Variants in PPP2R5E observed in about 807,000 individuals in gnomAD.
PPP2R5E encodes protein phosphatase 2 regulatory subunit B'epsilon, also known as serine/threonine-protein phosphatase 2A 56 kDa regulatory subunit epsilon isoform.
Under a neutral mutation model 65.3 loss-of-function variants are expected in PPP2R5E, and 4 were observed. The observed-to-expected ratio is 0.06, with a 90% CI of 0.03 to 0.14. The LOEUF is 0.14. Among genes scored for constraint, PPP2R5E ranks in the 10% least tolerant of loss-of-function variants. The pLI is 1.00. For synonymous variants in PPP2R5E, 183 were observed against 187.4 expected (o/e 0.98, Z 0.19); for missense variants, 274 against 556.1 (o/e 0.49, Z 5.10).
intron 2 of PPP2R5E, among the ~76,000 whole-genome samples, chr14:63,522,908 T>C (rs1276295855): frequency 1.0e-5 from 1 of 99,596 alleles, no homozygotes. Flanking sequence ...GGGAGGGAGG[T>C]CGGGGGGTCA....
chr14:63,401,240 T>A (rs1172268715), intron 5 of PPP2R5E, among the ~76,000 whole-genome samples: 1 of 152,186 alleles, frequency 6.6e-6, no homozygotes, highest in Non-Finnish European at 1.5e-5. Flanking sequence ...GGGGGTAGGA[T>A]GAACTCTGAT....
chr14:63,483,733 T>C (rs1277789792), intron 2 of PPP2R5E, among the ~76,000 whole-genome samples: 4 of 151,336 alleles, frequency 2.6e-5, no homozygotes, highest in South Asian at 2.1e-4. Context: ...ATTCCCACAA[T>C]AGGAAGAAAG....
intron 2 of PPP2R5E, among the ~76,000 whole-genome samples, chr14:63,499,729 A>G (rs1398648833): frequency 2.8e-5 from 4 of 144,390 alleles, no homozygotes; most frequent in Non-Finnish European, 6.1e-5. Flanking sequence ...TCTATCTCAG[A>G]AAAAAAAAAA....
intron 2 of PPP2R5E, among the ~76,000 whole-genome samples, chr14:63,473,270 AG>A (rs1890218866): frequency 6.6e-6 from 1 of 152,218 alleles, no homozygotes; most frequent in African/African-American, 2.4e-5. Context: ...ACTGGAAACA[AG>A]GGGCTATAAA....
intron 3 of PPP2R5E, among the ~76,000 whole-genome samples, chr14:63,448,246 G>A (rs1242906539): frequency 6.6e-6 from 1 of 151,984 alleles, no homozygotes; most frequent in Non-Finnish European, 1.5e-5. Flanking sequence ...GCAATGAGCC[G>A]AGACAGAGCC....
chr14:63,450,136 A>G (rs1383654484), intron 3 of PPP2R5E, among the ~76,000 whole-genome samples: 2 of 152,132 alleles, frequency 1.3e-5, no homozygotes, highest in Non-Finnish European at 2.9e-5. Context: ...TCAGCCTCCC[A>G]AAGTGCTAGG....
At chr14:63,466,165 G>A (rs1889783410) in intron 2 of PPP2R5E, among the ~76,000 whole-genome samples, 1 of 147,948 alleles carries the variant, frequency 6.8e-6, no homozygotes, top group African/African-American at 2.5e-5. Context: ...AATTGTTTCA[G>A]AATAAAATGA....
intron 3 of PPP2R5E, among the ~76,000 whole-genome samples, chr14:63,432,603 T>G (rs1887734724): frequency 1.3e-5 from 2 of 152,118 alleles, no homozygotes; most frequent in Admixed American, 1.3e-4. Context: ...GTTTCCACTC[T>G]CCTTGACCTG....
chr14:63,522,742 G>A (rs541346314), intron 2 of PPP2R5E, among the ~76,000 whole-genome samples: 1,768 of 149,992 alleles, frequency 0.012, 12 homozygotes, highest in Non-Finnish European at 0.019. Flanking sequence ...GAGCCCCTCC[G>A]CCCGGAAGCC....
intron 5 of PPP2R5E, among the ~76,000 whole-genome samples, chr14:63,412,710 T>C (rs1886461545): frequency 6.6e-6 from 1 of 152,222 alleles, no homozygotes; most frequent in Non-Finnish European, 1.5e-5. Flanking sequence ...GGATTTCTAT[T>C]TATCTTGGGG....
In PPP2R5E at chr14:63,375,295, C is replaced by T. The variant is rs555744766; in HGVS notation, c.*714G>A. 1 of 152,740 alleles carries T rather than the reference C, an allele frequency of 6.5e-6. No homozygotes were observed. Among genetic ancestry groups the T allele is most frequent in the South Asian group, 2.1e-4 (1 of 4,832 alleles). 9.5% of individuals were successfully genotyped at this position (152,740 alleles called of 1,614,324 possible). A position where few individuals can be genotyped will look rare whatever the true frequency, so the allele number is the denominator to read the frequency against. The stretch of plus-strand genomic sequence containing the variant: ...AGGATTCAAGACATTGATTTGGATT[C>T]ACCATAAACTGATGCATGAATCCGA... On this transcript the variant is annotated 3_prime_UTR_variant, in exon 14 of 14. Coordinates refer to ENST00000337537, the MANE Select transcript of PPP2R5E (RefSeq NM_006246.5).
intron 2 of PPP2R5E, among the ~76,000 whole-genome samples, chr14:63,461,593 T>C (rs141446607): frequency 6.2e-4 from 94 of 150,806 alleles, no homozygotes; most frequent in Middle Eastern, 3.4e-3. Flanking sequence ...AGCCAGGTGT[T>C]TGAGACTAGC....
At chr14:63,517,344 G>C (rs1308787125) in intron 2 of PPP2R5E, among the ~76,000 whole-genome samples, 1 of 152,100 alleles carries the variant, frequency 6.6e-6, no homozygotes, top group Admixed American at 6.5e-5. Context: ...AGAATATTTT[G>C]ATATTAAATA....
At chr14:63,406,365 C>A (rs942759720) in intron 5 of PPP2R5E, among the ~76,000 whole-genome samples, 2 of 148,620 alleles carry the variant, frequency 1.3e-5, no homozygotes, top group East Asian at 2.0e-4. Context: ...GAGCCGAGAT[C>A]GAGCCACTGC....
intron 2 of PPP2R5E, among the ~76,000 whole-genome samples, chr14:63,537,873 A>G (rs1893734810): frequency 6.6e-6 from 1 of 152,228 alleles, no homozygotes; most frequent in Non-Finnish European, 1.5e-5. Context: ...TCCACACTAT[A>G]AAAGCTATGT....
At chr14:63,491,692 A>G (rs1891293127) in intron 2 of PPP2R5E, among the ~76,000 whole-genome samples, 1 of 152,078 alleles carries the variant, frequency 6.6e-6, no homozygotes, top group Non-Finnish European at 1.5e-5. Context: ...TGCTAAAAAT[A>G]CAAAATTAGC....
At chr14:63,442,604 G>A (rs1464542643) in intron 3 of PPP2R5E, among the ~76,000 whole-genome samples, 1 of 152,092 alleles carries the variant, frequency 6.6e-6, no homozygotes, top group Admixed American at 6.5e-5. Flanking sequence ...AGAAGGAAGA[G>A]GGAGACCACA....
chr14:63,485,984 T>G (rs1890973777), intron 2 of PPP2R5E, among the ~76,000 whole-genome samples: 1 of 151,414 alleles, frequency 6.6e-6, no homozygotes, highest in Admixed American at 6.6e-5. Context: ...CATGCGCTAC[T>G]ACGCCCAGCT....
intron 2 of PPP2R5E, among the ~76,000 whole-genome samples, chr14:63,503,270 G>A (rs1891986298): frequency 6.6e-6 from 1 of 152,160 alleles, no homozygotes; most frequent in Non-Finnish European, 1.5e-5. Context: ...TAAGGAGACA[G>A]AAGACGAATT....
Sources: gnomAD v4.1 joint callset for allele counts (sites outside exome capture counted in the v4.1 genomes callset) on GRCh38, gnomAD v4.1.1 for gene constraint, MANE v1.5 for transcripts, NCBI Gene and HGNC (gene_info 2026-07-23, HGNC 2026-07-21) for gene names.